Variants in PCDHA8 observed in about 807,000 individuals in gnomAD.
PCDHA8 encodes protocadherin alpha 8, also known as protocadherin alpha-8.
Under a neutral mutation model 61.8 loss-of-function variants are expected in PCDHA8, and 53 were observed. That is an observed-to-expected ratio of 0.86 (90% CI 0.69 to 1.08). The LOEUF (loss-of-function observed/expected upper bound fraction) is 1.08, where lower values mean the gene tolerates loss of function less well. Among genes scored for constraint, PCDHA8 ranks in the 50% least tolerant of loss-of-function variants. The pLI, the probability that PCDHA8 is intolerant of heterozygous loss-of-function variation, is 0.00. For missense variants in PCDHA8, 1,293 were observed against 1,245.0 expected (o/e 1.04, Z -0.58); for synonymous variants, 618 against 556.6 (o/e 1.11, Z -1.55).
intron 1 of PCDHA8, chr5:140,862,721 C>T (rs1019011354): frequency 3.5e-6 from 2 of 566,878 alleles, no homozygotes; most frequent in Admixed American, 3.8e-5. Context: ...GGCGAGTGCG[C>T]GCTGTCTAGC....
At chr5:140,852,576 T>G in intron 1 of PCDHA8, 1 of 821,650 alleles carries the variant, frequency 1.2e-6, no homozygotes, top group Non-Finnish European at 1.5e-6. Flanking sequence ...GTGCCAAGGC[T>G]TTTTTATTTT....
At chr5:140,882,259 G>A (rs1554173247) in intron 1 of PCDHA8, 1 of 1,603,126 alleles carries the variant, frequency 6.2e-7, no homozygotes, top group Non-Finnish European at 8.5e-7. Flanking sequence ...TGAGGTTTTT[G>A]GAGTGTACCA....
At chr5:140,906,218 A>G (rs2072464720) in intron 1 of PCDHA8, among the ~76,000 whole-genome samples, 1 of 152,176 alleles carries the variant, frequency 6.6e-6, no homozygotes, top group African/African-American at 2.4e-5. Flanking sequence ...ATTAACCATC[A>G]CAAGTCCTCC....
intron 1 of PCDHA8, chr5:140,876,770 C>T (rs2056573777): frequency 6.2e-7 from 1 of 1,614,248 alleles, no homozygotes; most frequent in Non-Finnish European, 8.5e-7. Context: ...GGGGGCTCGC[C>T]TTCGCTGTGG....
rs142105240 is a variant in PCDHA8, at chr5:140,882,817, A to G, written c.2394+39102A>G. The G allele has an allele frequency of 5.3e-5, 86 of 1,614,242 alleles. 1 individual carries two copies. The African/African-American group carries it at 9.9e-4, about 19-fold the overall frequency. The stretch of plus-strand genomic sequence containing the variant: ...ACGATTATTTCACTTTGGACGCACA[A>G]AACAGTCTTGAGCAAATGTCTTCAT... On this transcript the variant is annotated intron_variant, in intron 1 of 3. Transcript: ENST00000531613.
intron 1 of PCDHA8, among the ~76,000 whole-genome samples, chr5:140,855,454 C>T (rs2043476507): frequency 6.7e-6 from 1 of 149,874 alleles, no homozygotes; most frequent in Non-Finnish European, 1.5e-5. Flanking sequence ...GAGTTATAAA[C>T]ACCTCACAGA....
At chr5:140,971,682 T>C (rs782404162) in intron 1 of PCDHA8, among the ~76,000 whole-genome samples, 5 of 152,156 alleles carry the variant, frequency 3.3e-5, no homozygotes, top group Non-Finnish European at 4.4e-5. Flanking sequence ...AGTAAGGGAA[T>C]TTGTACTCAC....
At position 140,842,539 on chromosome 5, in the gene PCDHA8, G is replaced by T. The variant is rs182995378; in HGVS notation, c.1218G>T (p.Ser406=). The change falls in exon 1 of 4, where the codon TCG becomes TCT. Residue 406 remains serine (S), a synonymous_variant. Transcript: ENST00000531613. ...TGTCCACCTTCAAGAATTACTACTC[G>T]TTGGTGCTGGACAGCGCCCTGGACC... ...KLVSTFKNYY[S]LVLDSALDRE... 4.3e-6 allele frequency: 7 copies of T among 1,610,436 alleles called. No individual in the cohort carries two copies. Among genetic ancestry groups the T allele is most frequent in the African/African-American group, 1.3e-5 (1 of 74,634 alleles).
At position 140,950,434 on chromosome 5, in the gene PCDHA8, A is replaced by G. The variant is rs554490421; in HGVS notation, c.2395-28515A>G. Among the ~76,000 whole-genome samples, 4 of 152,176 alleles carry G rather than the reference A, an allele frequency of 2.6e-5. No homozygotes were observed. The South Asian group carries it at 8.3e-4, about 32-fold the overall frequency. On this transcript the variant is annotated intron_variant, in intron 1 of 3. Transcript: ENST00000531613. ...AGATTTTATTTTCTTCCACTTAAAA[A>G]AAATGTTATTCTACTGTCTTCTAAT...
intron 1 of PCDHA8, chr5:140,870,246 C>A: frequency 6.2e-7 from 1 of 1,614,168 alleles, no homozygotes; most frequent in Non-Finnish European, 8.5e-7. Flanking sequence ...CAGGTGTCAA[C>A]GGACAGGTGA....
chr5:141,003,167 C>T (rs1160809977), intron 3 of PCDHA8, among the ~76,000 whole-genome samples: 1 of 152,180 alleles, frequency 6.6e-6, no homozygotes, highest in Non-Finnish European at 1.5e-5. Context: ...AATCCTAGTC[C>T]CTGAGGCTCA....
chr5:140,853,120 C>T lies in PCDHA8; in HGVS notation c.2394+9405C>T, dbSNP rs1036865431. The T allele has an allele frequency of 1.7e-4, 85 of 494,062 alleles. 4 individuals carry two copies. Among genetic ancestry groups the T allele is most frequent in the Middle Eastern group, 1.0e-3 (1 of 976 alleles). 30.6% of individuals were successfully genotyped at this position (494,062 alleles called of 1,614,324 possible). On this transcript the variant is annotated intron_variant, in intron 1 of 3. Coordinates refer to ENST00000531613, the MANE Select transcript of PCDHA8 (RefSeq NM_018911.3). Reference sequence around the variant, plus strand: ...GGTCTCGATCTCCTGACCTCATGATCCTCCCGCCTCAGCCTCCCAAAATGC... The same window carrying T: ...GGTCTCGATCTCCTGACCTCATGATTCTCCCGCCTCAGCCTCCCAAAATGC...
intron 1 of PCDHA8, chr5:140,929,119 G>T (rs2085835460): frequency 1.2e-6 from 2 of 1,614,192 alleles, no homozygotes; most frequent in Non-Finnish European, 1.7e-6. Context: ...AGCCACCATA[G>T]ATGTCACTAC....
intron 1 of PCDHA8, among the ~76,000 whole-genome samples, chr5:140,890,993 AT>A (rs2062889744): frequency 6.6e-6 from 1 of 152,134 alleles, no homozygotes; most frequent in Non-Finnish European, 1.5e-5. Flanking sequence ...TTATTTCATC[AT>A]AATTATTGAA....
intron 1 of PCDHA8, chr5:140,926,963 A>G (rs782460460): frequency 1.2e-6 from 2 of 1,605,984 alleles, no homozygotes; most frequent in South Asian, 2.2e-5. Context: ...CAGCTCGAGT[A>G]CTCAGTGCCG....
At chr5:140,990,742 G>A (rs947618929) in intron 3 of PCDHA8, among the ~76,000 whole-genome samples, 2 of 152,176 alleles carry the variant, frequency 1.3e-5, no homozygotes, top group African/African-American at 4.8e-5. Context: ...CAGCCCTAGG[G>A]TGGATACCTT....
chr5:140,877,874 C>A, intron 1 of PCDHA8: 1 of 1,477,456 alleles, frequency 6.8e-7, no homozygotes, highest in Non-Finnish European at 9.0e-7. Flanking sequence ...ATATTTGTTT[C>A]CTTGAAGAAC....
At chr5:140,866,804 C>A (rs1157058668) in intron 1 of PCDHA8, 3 of 152,118 alleles carry the variant, frequency 2.0e-5, no homozygotes, top group Non-Finnish European at 4.4e-5. Flanking sequence ...AAGTCAGGCA[C>A]AAAGTTCCTT....
In PCDHA8 at chr5:140,842,004, T is replaced by C; in HGVS notation, c.683T>C (p.Leu228Pro). 11 of 1,613,808 alleles carry C rather than the reference T, an allele frequency of 6.8e-6. No individual in the cohort carries two copies. Among genetic ancestry groups the C allele is most frequent in the Non-Finnish European group, 8.5e-6 (10 of 1,179,758 alleles). Reference sequence around the variant, plus strand: ...CCTGAGCTCACAGGCACTGTTCAGCTGCTGGTCACAGTGCTGGATGTGAAT... The same window carrying C: ...CCTGAGCTCACAGGCACTGTTCAGCCGCTGGTCACAGTGCTGGATGTGAAT... ...GKPELTGTVQLLVTVLDVNDN... is the reference protein window; with the variant it reads ...GKPELTGTVQPLVTVLDVNDN... The change falls in exon 1 of 4, where the codon CTG becomes CCG. Residue 228 changes from leucine (L) to proline (P), a missense_variant. By Grantham distance (98) the Leu-to-Pro change is moderately conservative. Transcript: ENST00000531613.
Sources: allele counts gnomAD v4.1 joint callset (sites outside exome capture counted in the v4.1 genomes callset), GRCh38; gene constraint gnomAD v4.1.1; transcripts MANE v1.5; gene names NCBI Gene and HGNC (gene_info 2026-07-23, HGNC 2026-07-21).